Variants in CPED1 observed in about 807,000 individuals in gnomAD.
The protein encoded by CPED1 is cadherin-like and PC-esterase domain-containing protein 1.
A neutral mutation model predicts 128.2 loss-of-function variants in CPED1; 114 were observed. The ratio of observed to expected loss-of-function variants is 0.89; its 90% CI spans 0.76 to 1.04. The LOEUF (loss-of-function observed/expected upper bound fraction) is 1.04, where lower values mean the gene tolerates loss of function less well. Among genes scored for constraint, CPED1 ranks in the 50% least tolerant of loss-of-function variants. The probability of loss-of-function intolerance (pLI) is 0.00; values close to 1 mark genes in which losing one functional copy is unlikely to be tolerated. For synonymous variants in CPED1, 462 were observed against 426.7 expected, an observed-to-expected ratio of 1.08 and a Z score of -1.02; for missense variants, 1,211 against 1,207.1, an observed-to-expected ratio of 1.00 and a Z score of -0.05.
chr7:121,197,161 G>GTAC (rs1797291085), intron 16 of CPED1, among the ~76,000 whole-genome samples: 1 of 144,944 alleles, frequency 6.9e-6, no homozygotes, highest in African/African-American at 2.6e-5. Context: ...ATAAGTCCTG[G>GTAC]TACTATTAAG....
rs4730984 is a variant in CPED1 at position 121,015,622 on chromosome 7, G to A, written c.250-43G>A. The A allele has an allele frequency of 3.4e-3, 5,170 of 1,531,010 alleles. 153 individuals are homozygous for A. In the African/African-American group the frequency reaches 0.063, roughly 19 times the overall value. 94.8% of individuals were successfully genotyped at this position (1,531,010 alleles called of 1,614,324 possible). A position where few individuals can be genotyped will look rare whatever the true frequency, so the allele number is the denominator to read the frequency against. On this transcript the variant is annotated intron_variant, in intron 2 of 22. Transcript: ENST00000310396. The stretch of plus-strand genomic sequence containing the variant: ...ATTCATGATGTCCTTCAAGGGAAAT[G>A]TACTACTTTTTTATATTGAATTTTT...
intron 4 of CPED1, among the ~76,000 whole-genome samples, chr7:121,048,991 T>G (rs1563005689): frequency 6.6e-6 from 1 of 151,896 alleles, no homozygotes; most frequent in African/African-American, 2.4e-5. Context: ...TCTATCCTAC[T>G]CACAGTTTTG....
At chr7:121,138,554 G>T (rs1187922710) in intron 14 of CPED1, among the ~76,000 whole-genome samples, 2 of 152,022 alleles carry the variant, frequency 1.3e-5, no homozygotes, top group Non-Finnish European at 2.9e-5. Flanking sequence ...GAGAACGATT[G>T]CACATTTATT....
intron 16 of CPED1, among the ~76,000 whole-genome samples, chr7:121,166,018 T>A (rs1796514391): frequency 6.6e-6 from 1 of 152,200 alleles, no homozygotes; most frequent in Non-Finnish European, 1.5e-5. Context: ...AACATCCTTC[T>A]TATTGAATCA....
intron 7 of CPED1, among the ~76,000 whole-genome samples, chr7:121,102,008 G>A (rs553962121): frequency 1.7e-4 from 26 of 152,156 alleles, no homozygotes; most frequent in African/African-American, 5.3e-4. Flanking sequence ...TGTCTCATCC[G>A]TTGTTTCTTG....
chr7:120,993,083 T>C (rs1287193031), intron 2 of CPED1, among the ~76,000 whole-genome samples: 1 of 152,230 alleles, frequency 6.6e-6, no homozygotes, highest in Non-Finnish European at 1.5e-5. Context: ...CTGAGTTTTC[T>C]CTCAACATCA....
At chr7:121,093,490 T>A (rs1794626278) in intron 5 of CPED1, among the ~76,000 whole-genome samples, 3 of 151,674 alleles carry the variant, frequency 2.0e-5, no homozygotes, top group Admixed American at 2.0e-4. Context: ...AAACTTGTAT[T>A]TACCAAGTAC....
At chr7:121,242,322 CA>C (rs1023987459) in intron 17 of CPED1, among the ~76,000 whole-genome samples, 2 of 152,204 alleles carry the variant, frequency 1.3e-5, no homozygotes, top group Admixed American at 6.5e-5. Flanking sequence ...TAGAGGATCT[CA>C]GACAAGTTCC....
chr7:121,030,856 A>C (rs941649660), intron 3 of CPED1, among the ~76,000 whole-genome samples: 1 of 152,202 alleles, frequency 6.6e-6, no homozygotes, highest in Non-Finnish European at 1.5e-5. Context: ...GGGGACTACT[A>C]TATTAATTAA....
chr7:121,212,102 T>A (rs962349097), intron 16 of CPED1, among the ~76,000 whole-genome samples: 2 of 152,012 alleles, frequency 1.3e-5, no homozygotes, highest in African/African-American at 4.8e-5. Context: ...CTGGGCATGC[T>A]TGATGATAAC....
intron 16 of CPED1, among the ~76,000 whole-genome samples, chr7:121,170,607 T>TA (rs1402828004): frequency 6.6e-6 from 1 of 152,164 alleles, no homozygotes. Context: ...TTAAAATAGA[T>TA]ATCTTCCGTC....
chr7:121,187,878 G>T (rs1797039673), intron 16 of CPED1, among the ~76,000 whole-genome samples: 1 of 152,046 alleles, frequency 6.6e-6, no homozygotes, highest in Non-Finnish European at 1.5e-5. Context: ...TTTTACAGAT[G>T]ATGCAACTAG....
At chr7:121,005,790 T>G (rs889790167) in intron 2 of CPED1, among the ~76,000 whole-genome samples, 2 of 152,316 alleles carry the variant, frequency 1.3e-5, no homozygotes, top group African/African-American at 4.8e-5. Flanking sequence ...TCTAGTAATA[T>G]CTTACGCTTG....
intron 22 of CPED1, among the ~76,000 whole-genome samples, chr7:121,285,155 T>C (rs1792540555): frequency 6.6e-6 from 1 of 152,162 alleles, no homozygotes. Context: ...GCTTGAACTC[T>C]CTAAAATAAT....
intron 18 of CPED1, among the ~76,000 whole-genome samples, chr7:121,251,675 GACAA>G (rs901918307): frequency 3.7e-4 from 56 of 152,120 alleles, no homozygotes; most frequent in Admixed American, 3.6e-3. Flanking sequence ...ACCAATAACA[GACAA>G]ACAGAGCCAA....
At chr7:121,053,052 C>G (rs1195490290) in intron 4 of CPED1, among the ~76,000 whole-genome samples, 3 of 152,042 alleles carry the variant, frequency 2.0e-5, no homozygotes, top group Non-Finnish European at 4.4e-5. Flanking sequence ...TTTAGACTTA[C>G]AGAAAAATTG....
intron 7 of CPED1, among the ~76,000 whole-genome samples, chr7:121,111,826 A>T (rs1233077149): frequency 6.6e-6 from 1 of 152,256 alleles, no homozygotes; most frequent in Non-Finnish European, 1.5e-5. Flanking sequence ...TTAAACAATG[A>T]TAAAAGGCAA....
intron 16 of CPED1, among the ~76,000 whole-genome samples, chr7:121,176,493 T>C (rs1464971565): frequency 5.9e-5 from 9 of 152,008 alleles, no homozygotes; most frequent in Admixed American, 5.9e-4. Flanking sequence ...GTTTGCACAT[T>C]ACTAAATACA....
intron 6 of CPED1, among the ~76,000 whole-genome samples, chr7:121,098,777 TATA>T (rs1467094481): frequency 9.3e-6 from 1 of 107,992 alleles, no homozygotes; most frequent in Admixed American, 9.5e-5. Context: ...AATATATATA[TATA>T]AAAATATATA....
Sources: gnomAD v4.1 joint callset for allele counts (sites outside exome capture counted in the v4.1 genomes callset) on GRCh38, gnomAD v4.1.1 for gene constraint, MANE v1.5 for transcripts, NCBI Gene and HGNC (gene_info 2026-07-23, HGNC 2026-07-21) for gene names.